Variants in TNR observed in about 807,000 individuals in gnomAD.
TNR encodes the protein tenascin R, also known as tenascin-R.
A neutral mutation model predicts 150.4 loss-of-function variants in TNR; 45 were observed. That is an observed-to-expected ratio of 0.30 (90% confidence interval 0.24 to 0.38). The LOEUF (loss-of-function observed/expected upper bound fraction) is 0.38. Ranked by LOEUF, TNR falls within the 10% of genes least tolerant of loss-of-function variation. TNR has a pLI of 1.00. For synonymous variants in TNR, 687 were observed against 678.4 expected (o/e 1.01, Z -0.20); for missense variants, 1,544 against 1,759.1 (o/e 0.88, Z 2.19).
At chr1:175,395,014 T>A (rs1421485992) in intron 5 of TNR, among the ~76,000 whole-genome samples, 1 of 151,924 alleles carries the variant, frequency 6.6e-6, no homozygotes, top group Non-Finnish European at 1.5e-5. Flanking sequence ...CTCTGCACAA[T>A]CATTGCAGAT....
At chr1:175,552,734 C>T (rs1660996500) in intron 1 of TNR, among the ~76,000 whole-genome samples, 1 of 152,230 alleles carries the variant, frequency 6.6e-6, no homozygotes. Flanking sequence ...TCTCCCCTGT[C>T]TGTCCACCAC....
chr1:175,502,333 C>G (rs1016986422), intron 2 of TNR, among the ~76,000 whole-genome samples: 1 of 152,170 alleles, frequency 6.6e-6, no homozygotes, highest in Admixed American at 6.5e-5. Flanking sequence ...ACATTGAACC[C>G]CCATGCAGGG....
chr1:175,395,991 C>T (rs949610139), intron 5 of TNR, among the ~76,000 whole-genome samples: 1 of 152,162 alleles, frequency 6.6e-6, no homozygotes, highest in Admixed American at 6.5e-5. Context: ...TGCTCTAGGG[C>T]TTCAACTTTT....
chr1:175,707,326 C>T (rs1293842743), intron 1 of TNR, among the ~76,000 whole-genome samples: 1 of 152,030 alleles, frequency 6.6e-6, no homozygotes, highest in Admixed American at 6.6e-5. Flanking sequence ...TATCTGACAG[C>T]CATTTATATA....
At chr1:175,549,001 G>T (rs1466429132) in intron 1 of TNR, among the ~76,000 whole-genome samples, 4 of 152,180 alleles carry the variant, frequency 2.6e-5, no homozygotes, top group African/African-American at 9.7e-5. Context: ...TCTCTCATTG[G>T]TAATATCTTC....
At chr1:175,323,575 G>A in intron 22 of TNR, 99 bp from the exon 23 acceptor site, 2 of 1,514,062 alleles carry the variant, frequency 1.3e-6, no homozygotes, top group Non-Finnish European at 1.8e-6. Context: ...CCACAATGTG[G>A]GGTTAGCTAT....
intron 1 of TNR, among the ~76,000 whole-genome samples, chr1:175,638,403 T>G (rs906768837): frequency 6.6e-5 from 10 of 152,186 alleles, no homozygotes; most frequent in African/African-American, 2.4e-4. Context: ...TCTCTCTCAT[T>G]CATGGATTAG....
intron 2 of TNR, among the ~76,000 whole-genome samples, chr1:175,413,549 G>C (rs551025220): frequency 1.3e-5 from 2 of 152,206 alleles, no homozygotes; most frequent in Non-Finnish European, 2.9e-5. Context: ...AACTTAGAAG[G>C]CTCGAGGGGA....
At chr1:175,588,837 A>G (rs1054215393) in intron 1 of TNR, among the ~76,000 whole-genome samples, 1 of 152,292 alleles carries the variant, frequency 6.6e-6, no homozygotes, top group South Asian at 2.1e-4. Flanking sequence ...CCCAAACCTA[A>G]TCTCCTCAAT....
At chr1:175,399,231 T>A (rs1319485839) in intron 4 of TNR, among the ~76,000 whole-genome samples, 1 of 152,250 alleles carries the variant, frequency 6.6e-6, no homozygotes, top group Non-Finnish European at 1.5e-5. Context: ...AGGTTTCCTA[T>A]GCAGGACTTC....
chr1:175,564,373 C>A (rs1661552533), intron 1 of TNR, among the ~76,000 whole-genome samples: 2 of 152,142 alleles, frequency 1.3e-5, no homozygotes, highest in African/African-American at 4.8e-5. Context: ...TTTCCTGGGG[C>A]CTTTTGTGGT....
At chr1:175,720,067 T>C (rs1036264909) in intron 1 of TNR, among the ~76,000 whole-genome samples, 14 of 152,190 alleles carry the variant, frequency 9.2e-5, no homozygotes, top group South Asian at 8.3e-4. Flanking sequence ...TATCTTCACT[T>C]ACTGTTATAG....
At chr1:175,552,556 T>C (rs1660988121) in intron 1 of TNR, among the ~76,000 whole-genome samples, 1 of 152,210 alleles carries the variant, frequency 6.6e-6, no homozygotes, top group Admixed American at 6.5e-5. Context: ...GGCTTATTCA[T>C]TGTCACACAG....
intron 16 of TNR, 123 bp from the exon 17 acceptor site, chr1:175,355,756 G>A (rs1651294906): frequency 1.5e-6 from 2 of 1,371,540 alleles, no homozygotes; most frequent in Middle Eastern, 2.6e-4. Flanking sequence ...GCTGACCCCT[G>A]CTCTGGCTTG....
At chr1:175,365,743 C>G in intron 11 of TNR, 132 bp downstream of exon 11, 2 of 1,351,694 alleles carry the variant, frequency 1.5e-6, no homozygotes, top group Non-Finnish European at 2.0e-6. Context: ...AGTTTTTACT[C>G]TATCCTTTTC....
At chr1:175,682,706 G>A (rs1043715268) in intron 1 of TNR, among the ~76,000 whole-genome samples, 14 of 152,018 alleles carry the variant, frequency 9.2e-5, no homozygotes, top group East Asian at 3.9e-4. Context: ...TTCCTGCCTC[G>A]GTCATGGACT....
intron 1 of TNR, among the ~76,000 whole-genome samples, chr1:175,742,750 G>A (rs1395495542): frequency 1.3e-5 from 2 of 152,096 alleles, no homozygotes; most frequent in Non-Finnish European, 2.9e-5. Context: ...TCAGAGGTGC[G>A]TAACTTTTAA....
intron 2 of TNR, among the ~76,000 whole-genome samples, chr1:175,452,033 A>G (rs1211812417): frequency 6.6e-6 from 1 of 152,182 alleles, no homozygotes; most frequent in Non-Finnish European, 1.5e-5. Context: ...GCTCCCACTC[A>G]GGGGCAACCA....
At chr1:175,419,663 G>T (rs1357844239) in intron 2 of TNR, among the ~76,000 whole-genome samples, 3 of 152,216 alleles carry the variant, frequency 2.0e-5, no homozygotes, top group Admixed American at 2.0e-4. Context: ...TATATTTTTA[G>T]TAGAGAAGGG....
Sources: allele counts gnomAD v4.1 joint callset (sites outside exome capture counted in the v4.1 genomes callset), GRCh38; gene constraint gnomAD v4.1.1; transcripts MANE v1.5; gene names NCBI Gene and HGNC (gene_info 2026-07-23, HGNC 2026-07-21).